ATP7A: variants seen among roughly 807,000 people sequenced by gnomAD.
The protein encoded by ATP7A is ATPase copper transporting alpha.
ATP7A carries 7 observed loss-of-function variants against 83.5 expected under a neutral mutation model. The ratio of observed to expected loss-of-function variants is 0.08; its 90% CI spans 0.05 to 0.16. ATP7A has a LOEUF of 0.16. Among genes scored for constraint, ATP7A ranks in the 10% least tolerant of loss-of-function variants. The pLI is 1.00. For missense variants in ATP7A, 940 were observed against 1,120.8 expected, an observed-to-expected ratio of 0.84 and a Z score of 2.30; for synonymous variants, 354 against 395.2, an observed-to-expected ratio of 0.90 and a Z score of 1.24.
At chrX:77,922,436 G>A (rs1557223217) in intron 1 of ATP7A, among the ~76,000 whole-genome samples, 1 of 110,907 alleles carries the variant, frequency 9.0e-6, no homozygotes, top group African/African-American at 3.3e-5. Context: ...CTAGGAAGTC[G>A]AGGCCACAGT....
intron 1 of ATP7A, among the ~76,000 whole-genome samples, chrX:77,914,506 T>C (rs1557222306): frequency 1.8e-5 from 2 of 111,275 alleles, no homozygotes; most frequent in African/African-American, 3.3e-5. Context: ...TTCTAGTGAT[T>C]CTCTTGCTTC....
intron 1 of ATP7A, among the ~76,000 whole-genome samples, chrX:77,971,124 C>T (rs781784587): frequency 1.1e-4 from 12 of 111,734 alleles, no homozygotes; most frequent in Non-Finnish European, 2.1e-4. Flanking sequence ...TCCTTGCATG[C>T]GTAACAGCCA....
At chrX:78,022,728 G>A (rs1359825960) in intron 14 of ATP7A, among the ~76,000 whole-genome samples, 4 of 110,611 alleles carry the variant, frequency 3.6e-5, no homozygotes, top group South Asian at 3.8e-4. Flanking sequence ...ATGTTGGTCA[G>A]GCTGGTCTCA....
chrX:77,986,888 AT>A (rs2077640305), intron 2 of ATP7A, among the ~76,000 whole-genome samples: 1 of 111,769 alleles, frequency 8.9e-6, no homozygotes, highest in South Asian at 3.7e-4. Flanking sequence ...TAATCACATA[AT>A]TCTCTGCTTA....
At chrX:78,002,074 ATTT>A (rs111547011) in intron 5 of ATP7A, among the ~76,000 whole-genome samples, 1 of 99,253 alleles carries the variant, frequency 1.0e-5, no homozygotes, top group Non-Finnish European at 2.0e-5. Context: ...TCCTTTCTCT[ATTT>A]TTTTTTTTTT....
At chrX:78,044,169 G>A (rs1280667081) in intron 21 of ATP7A, among the ~76,000 whole-genome samples, 4 of 102,421 alleles carry the variant, frequency 3.9e-5, no homozygotes, top group Admixed American at 1.1e-4. Context: ...CAGTAGACTC[G>A]CTTGAACCCA....
At position 78,049,288 on chromosome X, in the gene ATP7A, G is replaced by A. The variant is rs782525577; in HGVS notation, c.*2718G>A. The A allele has an allele frequency of 2.7e-5, 3 of 111,825 alleles. No homozygotes were observed. Among genetic ancestry groups the A allele is most frequent in the Non-Finnish European group, 5.7e-5 (3 of 53,035 alleles). 9.2% of individuals were successfully genotyped at this position (111,825 alleles called of 1,213,427 possible). A position where few individuals can be genotyped will look rare whatever the true frequency, so the allele number is the denominator to read the frequency against. On this transcript the variant is annotated 3_prime_UTR_variant, in exon 23 of 23. Transcript: ENST00000341514. The stretch of plus-strand genomic sequence containing the variant: ...CATATATATATACACACATATATAT[G>A]TACATACACATACATACATATTACC...
chrX:77,976,114 A>G (rs962021402), intron 2 of ATP7A, among the ~76,000 whole-genome samples: 2 of 112,179 alleles, frequency 1.8e-5, no homozygotes, highest in Non-Finnish European at 3.8e-5. Context: ...ACATACTACC[A>G]GGAGCAGATG....
intron 1 of ATP7A, among the ~76,000 whole-genome samples, chrX:77,957,324 C>T (rs2077450969): frequency 9.1e-6 from 1 of 110,192 alleles, no homozygotes. Context: ...TGGTGTGCTG[C>T]ACCCATTAAC....
chrX:78,008,397 C>T (rs955435576), intron 6 of ATP7A, among the ~76,000 whole-genome samples: 20 of 111,217 alleles, frequency 1.8e-4, no homozygotes, highest in African/African-American at 6.2e-4. Flanking sequence ...AATTTAACGC[C>T]CAGCTAAACT....
intron 1 of ATP7A, among the ~76,000 whole-genome samples, chrX:77,962,006 C>T (rs2077476828): frequency 8.9e-6 from 1 of 112,062 alleles, no homozygotes; most frequent in African/African-American, 3.2e-5. Context: ...AGGAGCTATT[C>T]TAGATTAAAT....
chrX:78,028,137 C>T (rs2077959237), intron 14 of ATP7A, among the ~76,000 whole-genome samples: 1 of 109,337 alleles, frequency 9.1e-6, no homozygotes, highest in African/African-American at 3.3e-5. Context: ...ATTCTCTTAC[C>T]TTAGCCTCCC....
chrX:78,023,991 T>C (rs1000576079), intron 14 of ATP7A, among the ~76,000 whole-genome samples: 3 of 111,222 alleles, frequency 2.7e-5, no homozygotes, highest in Non-Finnish European at 5.7e-5. Context: ...GAGATATGAG[T>C]CCAGTTTCAT....
chrX:78,008,191 C>A (rs782496209), intron 6 of ATP7A, among the ~76,000 whole-genome samples: 1 of 111,822 alleles, frequency 8.9e-6, no homozygotes, highest in Non-Finnish European at 1.9e-5. Context: ...CTTACTGCAC[C>A]ATTTGCACTG....
At position 78,048,950 on chromosome X, in the gene ATP7A, T is replaced by C. The variant is rs977851741; in HGVS notation, c.*2380T>C. The C allele has an allele frequency of 3.6e-5, 4 of 111,853 alleles. No homozygotes were observed. Among genetic ancestry groups the C allele is most frequent in the Non-Finnish European group, 5.6e-5 (3 of 53,163 alleles). The allele number at this position is 111,853 out of a possible 1,213,427, so 9.2% of individuals were successfully genotyped here. A position where few individuals can be genotyped will look rare whatever the true frequency, so the allele number is the denominator to read the frequency against. On this transcript the variant is annotated 3_prime_UTR_variant, in exon 23 of 23. Coordinates refer to ENST00000341514, the MANE Select transcript of ATP7A (RefSeq NM_000052.7). ...TCCTCTTGGTCTTGTATTCATATTG[T>C]GGGACAGTGGGAATAGCAGCTTGTA...
chrX:77,916,970 A>T (rs781999379), intron 1 of ATP7A, among the ~76,000 whole-genome samples: 1 of 111,671 alleles, frequency 9.0e-6, no homozygotes, highest in African/African-American at 3.2e-5. Context: ...TTTTTCATGA[A>T]GGAGGTGGGA....
chrX:78,017,313 G>A (rs961521899), intron 12 of ATP7A, among the ~76,000 whole-genome samples: 3 of 112,230 alleles, frequency 2.7e-5, no homozygotes, highest in African/African-American at 9.7e-5. Flanking sequence ...AGCATCAGAG[G>A]CCCTGGTTCC....
At chrX:77,956,700 T>C (rs1263702055) in intron 1 of ATP7A, among the ~76,000 whole-genome samples, 1 of 109,472 alleles carries the variant, frequency 9.1e-6, no homozygotes, top group Non-Finnish European at 1.9e-5. Context: ...CAATTAAACC[T>C]TTTTTCTTTA....
Position 78,011,232 on chromosome X carries a change from T to G in ATP7A, c.1926T>G (p.Asp642Glu), listed in dbSNP as rs782129043. ...AGGATCGGTCAGCAAGTCACTTAGATCATAAACGAGAAATAAGACAGTAAG... is the reference window on the plus strand; with the variant it reads ...AGGATCGGTCAGCAAGTCACTTAGAGCATAAACGAGAAATAAGACAGTAAG... ...VKKDRSASHL[D>E]HKREIRQWRR... The change falls in exon 8 of 23, where the codon GAT becomes GAG. Residue 642 changes from aspartate (D) to glutamate (E), a missense_variant. Physicochemically the swap from Asp to Glu is conservative, Grantham distance 45 (BLOSUM62 2). Coordinates refer to ENST00000341514, the MANE Select transcript of ATP7A (RefSeq NM_000052.7). The G allele has an allele frequency of 8.3e-7, 1 of 1,209,763 alleles. No individual in the cohort carries two copies. The highest frequency in any genetic ancestry group is 1.1e-6 in the Non-Finnish European group (1 of 893,850).
Sources: gnomAD v4.1 joint callset for allele counts (sites outside exome capture counted in the v4.1 genomes callset) on GRCh38, gnomAD v4.1.1 for gene constraint, MANE v1.5 for transcripts, NCBI Gene and HGNC (gene_info 2026-07-23, HGNC 2026-07-21) for gene names.